RBFOX1: variants seen among roughly 807,000 people sequenced by gnomAD.
The protein encoded by RBFOX1 is RNA binding fox-1 homolog 1.
Under a neutral mutation model 57.7 loss-of-function variants are expected in RBFOX1, and 8 were observed. The ratio of observed to expected loss-of-function variants is 0.14; its 90% CI spans 0.08 to 0.25. RBFOX1 has a LOEUF of 0.25. RBFOX1 is among the 10% of genes least tolerant of loss of function. The pLI is 1.00. For missense variants in RBFOX1, 611 were observed against 548.5 expected (o/e 1.11, Z -1.14); for synonymous variants, 326 against 222.4 (o/e 1.47, Z -4.15).
At chr16:5,983,475 C>G (rs777490905) in intron 4 of RBFOX1, among the ~76,000 whole-genome samples, 2 of 152,134 alleles carry the variant, frequency 1.3e-5, no homozygotes, top group South Asian at 4.1e-4. Flanking sequence ...ACTCATGGAA[C>G]CTTCCAGTGA....
At chr16:5,868,645 G>T (rs935826055) in intron 4 of RBFOX1, among the ~76,000 whole-genome samples, 2 of 152,310 alleles carry the variant, frequency 1.3e-5, no homozygotes, top group African/African-American at 4.8e-5. Context: ...CATTCATAGT[G>T]TGAGTGATTT....
At chr16:7,558,775 G>A (rs535601580) in intron 5 of RBFOX1, among the ~76,000 whole-genome samples, 1 of 152,180 alleles carries the variant, frequency 6.6e-6, no homozygotes, top group South Asian at 2.1e-4. Flanking sequence ...ACTGCTTCTG[G>A]TGCACACTCA....
intron 1 of RBFOX1, among the ~76,000 whole-genome samples, chr16:6,238,072 C>G (rs1260735701): frequency 9.0e-6 from 1 of 111,486 alleles, no homozygotes; most frequent in Non-Finnish European, 1.7e-5. Context: ...GTCTGGGTGA[C>G]AGAATGAGAC....
chr16:7,058,881 G>T (rs2053351269), intron 4 of RBFOX1, among the ~76,000 whole-genome samples: 2 of 152,204 alleles, frequency 1.3e-5, no homozygotes, highest in South Asian at 4.2e-4. Flanking sequence ...ACTTCATAAT[G>T]TTACATATTG....
At chr16:6,896,891 G>C (rs1170990458) in intron 3 of RBFOX1, among the ~76,000 whole-genome samples, 1 of 152,098 alleles carries the variant, frequency 6.6e-6, no homozygotes, top group African/African-American at 2.4e-5. Context: ...AGGGAATTTA[G>C]GTGACATTTT....
At chr16:6,818,169 C>T (rs545774136) in intron 3 of RBFOX1, among the ~76,000 whole-genome samples, 2 of 152,144 alleles carry the variant, frequency 1.3e-5, no homozygotes, top group African/African-American at 2.4e-5. Flanking sequence ...AGGCATATGG[C>T]TTCCTGCCAC....
At chr16:5,512,109 T>G (rs137945822) in intron 2 of RBFOX1, among the ~76,000 whole-genome samples, 1 of 152,214 alleles carries the variant, frequency 6.6e-6, no homozygotes, top group African/African-American at 2.4e-5. Context: ...GAGGGTACTT[T>G]GGCAAAGTGG....
chr16:7,512,190 A>G (rs1183242813), intron 4 of RBFOX1, among the ~76,000 whole-genome samples: 1 of 152,106 alleles, frequency 6.6e-6, no homozygotes, highest in Non-Finnish European at 1.5e-5. Flanking sequence ...TGCTCCAAAT[A>G]ATTTTGCCTG....
At position 7,069,777 on chromosome 16, in the gene RBFOX1, A is replaced by AGTGG. The variant is rs2056942699; in HGVS notation, c.27+17681_27+17684dup. ...ATGGGATTAAGCCCCAGTTGCCCAT[A>AGTGG]GTGGGCACTTGCTCGTTAACAAAAA... is the stretch of plus-strand genomic sequence containing the variant. On this transcript the variant is annotated intron_variant, in intron 4 of 15. Coordinates refer to ENST00000550418, the MANE Select transcript of RBFOX1 (RefSeq NM_018723.4). 2.0e-5 allele frequency among the ~76,000 whole-genome samples: 3 copies of AGTGG among 152,268 alleles called. No homozygotes were observed. In the South Asian group the frequency reaches 6.2e-4, roughly 32 times the overall value.
chr16:6,526,829 C>CAAAAAAAAAAAAAAAAAAAAA (rs541468859), intron 2 of RBFOX1, among the ~76,000 whole-genome samples: 5 of 32,892 alleles, frequency 1.5e-4, no homozygotes, highest in African/African-American at 4.3e-4. Context: ...GACTCTGTCT[C>CAAAAAAAAAAAAAAAAAAAAA]AAAAAAAAAA....
intron 3 of RBFOX1, among the ~76,000 whole-genome samples, chr16:6,683,846 G>C (rs1262323779): frequency 6.6e-6 from 1 of 152,144 alleles, no homozygotes; most frequent in African/African-American, 2.4e-5. Flanking sequence ...TTGTAACTTT[G>C]AAGCCTCAGC....
chr16:7,704,420 T>A (rs1048925404), intron 14 of RBFOX1, among the ~76,000 whole-genome samples: 4 of 152,132 alleles, frequency 2.6e-5, no homozygotes, highest in African/African-American at 7.2e-5. Context: ...CCCCAGAAAG[T>A]TTTCTTCTGT....
chr16:6,899,540 C>G (rs977781368), intron 3 of RBFOX1, among the ~76,000 whole-genome samples: 6 of 152,158 alleles, frequency 3.9e-5, no homozygotes, highest in Admixed American at 6.5e-5. Context: ...TTTAGAGACA[C>G]CTGGATGTAG....
intron 4 of RBFOX1, among the ~76,000 whole-genome samples, chr16:5,882,902 T>C (rs2057798411): frequency 6.6e-6 from 1 of 152,182 alleles, no homozygotes; most frequent in Non-Finnish European, 1.5e-5. Context: ...TGTGTAATAG[T>C]CTGTTACTGT....
intron 3 of RBFOX1, among the ~76,000 whole-genome samples, chr16:6,817,303 A>G (rs1224740123): frequency 6.6e-6 from 1 of 152,184 alleles, no homozygotes; most frequent in South Asian, 2.1e-4. Context: ...AACACATTTA[A>G]CCAAAGCCCC....
chr16:7,556,399 C>G (rs115719306), intron 5 of RBFOX1, among the ~76,000 whole-genome samples: 1 of 152,174 alleles, frequency 6.6e-6, no homozygotes, highest in Non-Finnish European at 1.5e-5. Context: ...GTTTGAGTAA[C>G]TCAGATCCCT....
chr16:6,960,973 CAAAAAAAAA>C (rs1168858782), intron 3 of RBFOX1, among the ~76,000 whole-genome samples: 3 of 36,158 alleles, frequency 8.3e-5, no homozygotes, highest in Admixed American at 6.3e-4. Flanking sequence ...ACTGAAAATA[CAAAAAAAAA>C]AAAAAAAAAA....
intron 4 of RBFOX1, among the ~76,000 whole-genome samples, chr16:7,399,423 G>T (rs1192321628): frequency 6.6e-6 from 1 of 151,646 alleles, no homozygotes; most frequent in Non-Finnish European, 1.5e-5. Flanking sequence ...CTCCAGCCTG[G>T]GTAACAAGAG....
chr16:5,472,968 A>C (rs899606825), intron 2 of RBFOX1, among the ~76,000 whole-genome samples: 5 of 152,162 alleles, frequency 3.3e-5, no homozygotes, highest in Non-Finnish European at 7.4e-5. Context: ...GACTATGTCC[A>C]GACAGTCTGA....
Sources: allele counts gnomAD v4.1 joint callset (sites outside exome capture counted in the v4.1 genomes callset), GRCh38; gene constraint gnomAD v4.1.1; transcripts MANE v1.5; gene names NCBI Gene and HGNC (gene_info 2026-07-23, HGNC 2026-07-21).